SAMMSON: variants seen among roughly 807,000 people sequenced by gnomAD.
SAMMSON encodes the protein long intergenic non-protein coding RNA 1212.
intron 4 of SAMMSON, among the ~76,000 whole-genome samples, chr3:70,178,887 G>T (rs1701029343): frequency 6.6e-6 from 1 of 152,066 alleles, no homozygotes; most frequent in Non-Finnish European, 1.5e-5. Context: ...GCATTCCCCA[G>T]CTACTAGGGA....
intron 7 of SAMMSON, among the ~76,000 whole-genome samples, chr3:70,322,785 A>G (rs1162593213): frequency 6.6e-6 from 1 of 152,164 alleles, no homozygotes; most frequent in Non-Finnish European, 1.5e-5. Flanking sequence ...TATCTGAGAT[A>G]AAATAATTCT....
chr3:70,124,061 G>T (rs2067445812), intron 4 of SAMMSON, among the ~76,000 whole-genome samples: 1 of 152,154 alleles, frequency 6.6e-6, no homozygotes, highest in South Asian at 2.1e-4. Flanking sequence ...GGGTACCCTG[G>T]GGAAGTCACA....
intron 4 of SAMMSON, chr3:70,120,362 A>G (rs889138094): frequency 3.9e-5 from 6 of 152,196 alleles, no homozygotes; most frequent in African/African-American, 1.4e-4. Flanking sequence ...AGAGAACCCC[A>G]AATTAGCGAG....
At chr3:70,318,031 T>C (rs1480965682) in intron 7 of SAMMSON, among the ~76,000 whole-genome samples, 1 of 151,932 alleles carries the variant, frequency 6.6e-6, no homozygotes, top group African/African-American at 2.4e-5. Context: ...CTCTCTGGCC[T>C]CTTTCACTGT....
chr3:70,116,847 A>T (rs896655253), intron 4 of SAMMSON, among the ~76,000 whole-genome samples: 3 of 152,250 alleles, frequency 2.0e-5, no homozygotes, highest in Admixed American at 2.0e-4. Context: ...CTATTCAATG[A>T]ATAATTTACT....
At chr3:70,091,754 A>G (rs2067305651) in intron 4 of SAMMSON, among the ~76,000 whole-genome samples, 1 of 152,166 alleles carries the variant, frequency 6.6e-6, no homozygotes, top group Non-Finnish European at 1.5e-5. Context: ...ACAGGCACAC[A>G]ATAGATGCTG....
chr3:70,296,693 A>G (rs1398929948), intron 7 of SAMMSON, among the ~76,000 whole-genome samples: 1 of 152,102 alleles, frequency 6.6e-6, no homozygotes, highest in Non-Finnish European at 1.5e-5. Flanking sequence ...CTAACTTTCA[A>G]CAAGTTCTTA....
intron 3 of SAMMSON, among the ~76,000 whole-genome samples, chr3:70,027,137 A>G (rs1286511799): frequency 6.6e-6 from 1 of 152,122 alleles, no homozygotes; most frequent in Non-Finnish European, 1.5e-5. Flanking sequence ...TTTGAGGTTG[A>G]GTGTTCATAA....
intron 4 of SAMMSON, among the ~76,000 whole-genome samples, chr3:70,139,659 C>G (rs1435194246): frequency 6.6e-6 from 1 of 152,172 alleles, no homozygotes; most frequent in Non-Finnish European, 1.5e-5. Flanking sequence ...TAAGGAAGCC[C>G]ATGACGTGAT....
At chr3:70,093,882 A>T (rs886652830) in intron 4 of SAMMSON, among the ~76,000 whole-genome samples, 18 of 152,140 alleles carry the variant, frequency 1.2e-4, no homozygotes, top group African/African-American at 4.3e-4. Context: ...TTGATTCTTA[A>T]ATGGGTGATT....
At chr3:70,227,634 T>C (rs1701520596) in intron 4 of SAMMSON, among the ~76,000 whole-genome samples, 1 of 152,202 alleles carries the variant, frequency 6.6e-6, no homozygotes, top group African/African-American at 2.4e-5. Context: ...GAAACCGCAA[T>C]TACTTTTGCA....
intron 7 of SAMMSON, among the ~76,000 whole-genome samples, chr3:70,318,432 A>C (rs1347820672): frequency 2.0e-5 from 3 of 150,902 alleles, no homozygotes; most frequent in Non-Finnish European, 4.4e-5. Flanking sequence ...TTTTCATTTT[A>C]AATACACTTT....
chr3:70,246,067 C>T (rs1701705566), intron 4 of SAMMSON, among the ~76,000 whole-genome samples: 1 of 151,390 alleles, frequency 6.6e-6, no homozygotes, highest in African/African-American at 2.4e-5. Context: ...TTCTTTTATT[C>T]CCAAAAGATA....
At chr3:70,208,347 A>C (rs1349435061) in intron 4 of SAMMSON, among the ~76,000 whole-genome samples, 2 of 152,092 alleles carry the variant, frequency 1.3e-5, no homozygotes, top group Non-Finnish European at 2.9e-5. Flanking sequence ...GCTCAGTGCA[A>C]GGAACATATT....
At chr3:70,174,849 C>T (rs529324954) in intron 4 of SAMMSON, among the ~76,000 whole-genome samples, 3 of 151,988 alleles carry the variant, frequency 2.0e-5, no homozygotes, top group African/African-American at 7.2e-5. Flanking sequence ...GGTGGACAAT[C>T]TAATTTCAAA....
At chr3:70,120,868 G>A (rs956350633) in intron 4 of SAMMSON, among the ~76,000 whole-genome samples, 1 of 152,138 alleles carries the variant, frequency 6.6e-6, no homozygotes, top group Non-Finnish European at 1.5e-5. Flanking sequence ...CTGGAGGTGT[G>A]GGGGGATGGT....
At chr3:70,035,581 G>C (rs1296569721) in intron 3 of SAMMSON, among the ~76,000 whole-genome samples, 1 of 152,098 alleles carries the variant, frequency 6.6e-6, no homozygotes, top group Non-Finnish European at 1.5e-5. Flanking sequence ...TACCAAAAGT[G>C]ACCTGTTAGT....
At chr3:70,337,183 A>G (rs1224175868) in intron 7 of SAMMSON, among the ~76,000 whole-genome samples, 1 of 135,104 alleles carries the variant, frequency 7.4e-6, no homozygotes, top group Non-Finnish European at 1.6e-5. Flanking sequence ...AATATTAATA[A>G]TATGTAACTT....
At chr3:70,120,525 C>T (rs2067428527) in intron 4 of SAMMSON, 2 of 152,354 alleles carry the variant, frequency 1.3e-5, no homozygotes, top group South Asian at 4.1e-4. Context: ...CTGCCTGCTT[C>T]ACGCATGTAC....
Sources: allele counts gnomAD v4.1 joint callset (sites outside exome capture counted in the v4.1 genomes callset), GRCh38; gene constraint gnomAD v4.1.1; transcripts MANE v1.5; gene names NCBI Gene and HGNC (gene_info 2026-07-23, HGNC 2026-07-21).